C9: variants seen among roughly 807,000 people sequenced by gnomAD.
C9 encodes the protein complement component C9.
In C9, 63 loss-of-function variants were observed where a neutral mutation model predicts 65.4. That is an observed-to-expected ratio of 0.96 (90% confidence interval 0.79 to 1.19). The LOEUF is 1.19. C9 is among the 50% of genes most tolerant of loss of function. The pLI, the probability that C9 is intolerant of heterozygous loss-of-function variation, is 0.00. For synonymous variants in C9, 229 were observed against 227.9 expected (o/e 1.00, Z -0.04); for missense variants, 744 against 670.1 (o/e 1.11, Z -1.22).
chr5:39,295,702 C>T (rs1579840265), intron 9 of C9, among the ~76,000 whole-genome samples: 1 of 151,694 alleles, frequency 6.6e-6, no homozygotes, highest in South Asian at 2.1e-4. Flanking sequence ...ACAAAGACCT[C>T]AAATAGCCAA....
chr5:39,337,454 A>C (rs1011879078), intron 4 of C9, among the ~76,000 whole-genome samples: 1 of 152,190 alleles, frequency 6.6e-6, no homozygotes, highest in African/African-American at 2.4e-5. Context: ...GAATAAGCCA[A>C]TTTTTTCTGC....
At chr5:39,289,759 G>A (rs961947506) in intron 9 of C9, among the ~76,000 whole-genome samples, 3 of 151,726 alleles carry the variant, frequency 2.0e-5, no homozygotes, top group African/African-American at 7.3e-5. Flanking sequence ...GAACAATAAG[G>A]TTATTGAGGT....
intron 9 of C9, among the ~76,000 whole-genome samples, chr5:39,295,478 T>C (rs1456811396): frequency 6.6e-6 from 1 of 151,434 alleles, no homozygotes; most frequent in Admixed American, 6.6e-5. Flanking sequence ...AAGAAGATAC[T>C]GAGGAATAAA....
At chr5:39,305,862 T>C (rs1753364241) in intron 9 of C9, among the ~76,000 whole-genome samples, 1 of 152,128 alleles carries the variant, frequency 6.6e-6, no homozygotes, top group Non-Finnish European at 1.5e-5. Flanking sequence ...TGAACATTTC[T>C]TTCATAAAGA....
In C9 at chr5:39,288,890, T is replaced by G; in HGVS notation, c.1478A>C (p.Asn493Thr). Residue 493 changes from asparagine (N) to threonine (T), a missense_variant, in exon 10 of 11, where the codon AAC becomes ACC. Physicochemically the swap from Asn to Thr is moderately conservative, Grantham distance 65. Coordinates refer to ENST00000263408, the MANE Select transcript of C9 (RefSeq NM_001737.5). ...ATAGTCTTCAATGGCTCTTTCCAAG[T>G]TTTGTTTCTTTAGGTGTGCATTTTT... is the stretch of plus-strand genomic sequence containing the variant. ...KMKNAHLKKQ[N>T]LERAIEDYIN... 6.2e-7 allele frequency: 1 copy of G among 1,612,012 alleles called. No homozygotes were observed. The highest frequency in any genetic ancestry group is 8.5e-7 in the Non-Finnish European group (1 of 1,178,560).
chr5:39,304,849 C>G (rs2111872188), intron 9 of C9, among the ~76,000 whole-genome samples: 1 of 152,196 alleles, frequency 6.6e-6, no homozygotes, highest in African/African-American at 2.4e-5. Context: ...CAGGACTGCA[C>G]CAACAAAGTT....
At chr5:39,326,003 A>G (rs1753742718) in intron 5 of C9, among the ~76,000 whole-genome samples, 1 of 152,028 alleles carries the variant, frequency 6.6e-6, no homozygotes, top group Non-Finnish European at 1.5e-5. Flanking sequence ...CCAACTTCCC[A>G]CATCTCTTTT....
intron 1 of C9, among the ~76,000 whole-genome samples, chr5:39,363,833 AGG>A (rs1754566221): frequency 1.3e-5 from 2 of 152,370 alleles, no homozygotes; most frequent in Admixed American, 1.3e-4. Flanking sequence ...CATGAGTGAC[AGG>A]TCTGCATCAC....
chr5:39,299,889 AATTAT>A (rs1423959597), intron 9 of C9, among the ~76,000 whole-genome samples: 2 of 152,160 alleles, frequency 1.3e-5, no homozygotes, highest in Non-Finnish European at 1.5e-5. Flanking sequence ...CAAGATATAA[AATTAT>A]ATTATATGAA....
At chr5:39,359,999 A>C (rs1164084856) in intron 1 of C9, among the ~76,000 whole-genome samples, 1 of 152,256 alleles carries the variant, frequency 6.6e-6, no homozygotes, top group African/African-American at 2.4e-5. Context: ...ATGGAATATA[A>C]AAATGAAAAA....
chr5:39,328,724 C>G (rs953065442), intron 5 of C9, among the ~76,000 whole-genome samples: 1 of 151,940 alleles, frequency 6.6e-6, no homozygotes, highest in Admixed American at 6.6e-5. Context: ...GGTTTGTGGG[C>G]ATAAATGAGG....
intron 1 of C9, among the ~76,000 whole-genome samples, chr5:39,356,745 T>G (rs1375736555): frequency 1.3e-5 from 2 of 152,172 alleles, no homozygotes; most frequent in African/African-American, 2.4e-5. Context: ...AGAACATAGG[T>G]GATCTTGAAT....
chr5:39,351,630 G>A (rs1754322798), intron 1 of C9, among the ~76,000 whole-genome samples: 1 of 152,088 alleles, frequency 6.6e-6, no homozygotes, highest in South Asian at 2.1e-4. Context: ...TAGAGCATGG[G>A]CACAATACCA....
intron 5 of C9, among the ~76,000 whole-genome samples, chr5:39,322,733 A>G (rs940238160): frequency 6.6e-6 from 1 of 152,118 alleles, no homozygotes; most frequent in African/African-American, 2.4e-5. Flanking sequence ...TTGGGCCTGC[A>G]ATGGTTGCAT....
intron 4 of C9, among the ~76,000 whole-genome samples, chr5:39,340,563 T>C (rs1374057525): frequency 6.6e-6 from 1 of 152,222 alleles, no homozygotes; most frequent in Non-Finnish European, 1.5e-5. Context: ...CTTACAGCCA[T>C]CTGTCCAGAG....
At chr5:39,326,585 A>G (rs766342292) in intron 5 of C9, among the ~76,000 whole-genome samples, 26 of 152,180 alleles carry the variant, frequency 1.7e-4, no homozygotes, top group Non-Finnish European at 3.7e-4. Flanking sequence ...CAGTGTATTT[A>G]TTATGGCACA....
At chr5:39,342,938 A>T (rs898838916) in intron 1 of C9, among the ~76,000 whole-genome samples, 1 of 152,172 alleles carries the variant, frequency 6.6e-6, no homozygotes, top group Non-Finnish European at 1.5e-5. Context: ...TAATTACAAA[A>T]AAAAGAAAAC....
At chr5:39,313,628 C>G (rs1753525073) in intron 6 of C9, among the ~76,000 whole-genome samples, 1 of 152,190 alleles carries the variant, frequency 6.6e-6, no homozygotes. Context: ...ATAGACCACA[C>G]TCTAAGTAGC....
At chr5:39,311,410 T>C in intron 6 of C9, 33 bp from the exon 7 acceptor site, 1 of 1,603,288 alleles carries the variant, frequency 6.2e-7, no homozygotes, top group Non-Finnish European at 8.5e-7. Flanking sequence ...AAGAGAAACA[T>C]GTGTTTTATC....
Sources: gnomAD v4.1 joint callset for allele counts (sites outside exome capture counted in the v4.1 genomes callset) on GRCh38, gnomAD v4.1.1 for gene constraint, MANE v1.5 for transcripts, NCBI Gene and HGNC (gene_info 2026-07-23, HGNC 2026-07-21) for gene names.